The following ATP6V0D2 variants were observed in gnomAD, a reference collection of about 807,000 sequenced individuals.
ATP6V0D2 encodes V-type proton ATPase subunit d 2.
In ATP6V0D2, 40 loss-of-function variants were observed where a neutral mutation model predicts 40.0. The observed-to-expected ratio is 1.00, with a 90% CI of 0.78 to 1.30. The LOEUF (loss-of-function observed/expected upper bound fraction) is 1.30, where lower values mean the gene tolerates loss of function less well. Ranked by LOEUF, ATP6V0D2 falls within the 50% of genes most tolerant of loss-of-function variation. The pLI is 0.00. For synonymous variants in ATP6V0D2, 179 were observed against 156.3 expected, an observed-to-expected ratio of 1.15 and a Z score of -1.08; for missense variants, 470 against 423.1, an observed-to-expected ratio of 1.11 and a Z score of -0.97.
chr8:86,132,134 C>A (rs1179391569), intron 2 of ATP6V0D2, among the ~76,000 whole-genome samples: 2 of 152,142 alleles, frequency 1.3e-5, no homozygotes, highest in Non-Finnish European at 2.9e-5. Flanking sequence ...TGATGTATAG[C>A]CCTGAGGTAT....
chr8:86,115,085 A>T (rs1482051440), intron 2 of ATP6V0D2, among the ~76,000 whole-genome samples: 1 of 152,172 alleles, frequency 6.6e-6, no homozygotes, highest in East Asian at 1.9e-4. Context: ...GAATACAGGA[A>T]ACTGGGCGTT....
At chr8:86,104,295 C>A (rs1409877560) in intron 1 of ATP6V0D2, among the ~76,000 whole-genome samples, 1 of 152,130 alleles carries the variant, frequency 6.6e-6, no homozygotes, top group African/African-American at 2.4e-5. Flanking sequence ...CCACCTTGGC[C>A]TTCTAACATG....
intron 2 of ATP6V0D2, among the ~76,000 whole-genome samples, chr8:86,119,232 CTTTTT>C (rs35945978): frequency 1.6e-5 from 2 of 125,966 alleles, no homozygotes; most frequent in Non-Finnish European, 3.2e-5. Context: ...ATCATAGGAT[CTTTTT>C]TTTTTTTTTT....
rs1819177259 is a variant in ATP6V0D2 at position 86,152,914 on chromosome 8, G to A, written c.990G>A (p.Trp330Ter). ...AACAGGAAATTAGAAATATTGTGTG[G>A]ATAGCAGAATGTATTTCACAGAGGC... ...LKEQEIRNIV[W>*]IAECISQRHR... Residue 330 changes from tryptophan (W) to a stop codon, truncating the protein, a stop_gained, in exon 8 of 8, where the codon TGG becomes TGA. Coordinates refer to ENST00000285393, the MANE Select transcript of ATP6V0D2 (RefSeq NM_152565.1). LOFTEE classifies it high-confidence loss of function. 6.2e-7 allele frequency: 1 copy of A among 1,612,044 alleles called. No individual in the cohort carries two copies. Among genetic ancestry groups the A allele is most frequent in the South Asian group, 1.1e-5 (1 of 90,706 alleles).
At chr8:86,102,881 A>C (rs1818422333) in intron 1 of ATP6V0D2, among the ~76,000 whole-genome samples, 1 of 152,184 alleles carries the variant, frequency 6.6e-6, no homozygotes, top group East Asian at 1.9e-4. Context: ...GGGTCTTTAA[A>C]AGTGACTTTG....
intron 2 of ATP6V0D2, among the ~76,000 whole-genome samples, chr8:86,135,516 A>G (rs888086380): frequency 6.6e-6 from 1 of 152,238 alleles, no homozygotes; most frequent in African/African-American, 2.4e-5. Flanking sequence ...AGTACTGCTA[A>G]GCCTCAGTTT....
rs1819126261 is a variant in ATP6V0D2, at chr8:86,150,269, A to G, written c.797A>G (p.Asn266Ser). The change falls in exon 6 of 8, where the codon AAC (asparagine) becomes AGC (serine). Residue 266 changes from asparagine (N) to serine (S), a missense_variant. Physicochemically the swap from Asn to Ser is conservative, Grantham distance 46. Coordinates refer to ENST00000285393, the MANE Select transcript of ATP6V0D2 (RefSeq NM_152565.1). ...AQAEDFDQMK[N>S]VADHYGVYKP... ...GCAGAAGACTTTGACCAGATGAAGAACGTAGCGGATCATTACGGAGTATGT... is the reference window on the plus strand; with the variant it reads ...GCAGAAGACTTTGACCAGATGAAGAGCGTAGCGGATCATTACGGAGTATGT... The G allele has an allele frequency of 1.2e-6, 2 of 1,613,364 alleles. No homozygotes were observed. Among genetic ancestry groups the G allele is most frequent in the African/African-American group, 2.7e-5 (2 of 74,870 alleles).
chr8:86,110,078 T>A (rs1818512428), intron 1 of ATP6V0D2, among the ~76,000 whole-genome samples: 1 of 152,164 alleles, frequency 6.6e-6, no homozygotes, highest in African/African-American at 2.4e-5. Flanking sequence ...ATATGCAACA[T>A]GATGTTTTAT....
intron 2 of ATP6V0D2, among the ~76,000 whole-genome samples, chr8:86,131,911 G>A (rs983389896): frequency 2.6e-5 from 4 of 152,156 alleles, no homozygotes; most frequent in African/African-American, 4.8e-5. Flanking sequence ...CCTTTCCACT[G>A]TTATACATGT....
chr8:86,103,832 G>T (rs773550915), intron 1 of ATP6V0D2, among the ~76,000 whole-genome samples: 25 of 151,978 alleles, frequency 1.6e-4, no homozygotes, highest in African/African-American at 5.8e-4. Context: ...ATAGTTTTTT[G>T]TTGTTGTTTT....
chr8:86,105,775 C>T (rs369108237), intron 1 of ATP6V0D2, among the ~76,000 whole-genome samples: 3 of 151,652 alleles, frequency 2.0e-5, no homozygotes, highest in South Asian at 2.1e-4. Flanking sequence ...CCACCACGCC[C>T]GGCTAATTTT....
intron 1 of ATP6V0D2, 40 bp from the exon 2 acceptor site, chr8:86,113,668 GT>G (rs1818554428): frequency 6.5e-7 from 1 of 1,539,256 alleles, no homozygotes; most frequent in African/African-American, 1.4e-5. Flanking sequence ...ATTTGTGTAT[GT>G]TCAAAATTTA....
In ATP6V0D2 at chr8:86,153,076, A is replaced by T; in HGVS notation, c.*99A>T. On this transcript the variant is annotated 3_prime_UTR_variant, in exon 8 of 8. Transcript: ENST00000285393. ...TGTTATATTATCTAGACTACACAAAAGTAAGCCACACTATATCTTCATGAG... is the reference window on the plus strand; with the variant it reads ...TGTTATATTATCTAGACTACACAAATGTAAGCCACACTATATCTTCATGAG... 5 of 1,033,438 alleles carry T rather than the reference A, an allele frequency of 4.8e-6. No homozygotes were observed. The South Asian group carries it at 1.0e-4, about 21-fold the overall frequency. The allele number at this position is 1,033,438 out of a possible 1,614,324, so 64.0% of individuals were successfully genotyped here. A position where few individuals can be genotyped will look rare whatever the true frequency, so the allele number is the denominator to read the frequency against.
intron 6 of ATP6V0D2, among the ~76,000 whole-genome samples, chr8:86,151,017 C>T (rs916328687): frequency 9.9e-5 from 15 of 152,166 alleles, no homozygotes; most frequent in South Asian, 4.1e-4. Context: ...TATGTAATTG[C>T]GTGAGACTCT....
At chr8:86,112,913 C>T (rs1398683830) in intron 1 of ATP6V0D2, among the ~76,000 whole-genome samples, 1 of 152,092 alleles carries the variant, frequency 6.6e-6, no homozygotes, top group Non-Finnish European at 1.5e-5. Flanking sequence ...CATTTAGTCC[C>T]ACTGAACTTC....
intron 2 of ATP6V0D2, among the ~76,000 whole-genome samples, chr8:86,120,865 G>C (rs1313046043): frequency 6.6e-6 from 1 of 152,104 alleles, no homozygotes; most frequent in Non-Finnish European, 1.5e-5. Context: ...TGTCCTCCTA[G>C]TTTATAATAA....
At chr8:86,135,579 T>C (rs1032736691) in intron 2 of ATP6V0D2, among the ~76,000 whole-genome samples, 1 of 152,170 alleles carries the variant, frequency 6.6e-6, no homozygotes, top group African/African-American at 2.4e-5. Flanking sequence ...TGAGTGAGAG[T>C]GTGCATATAA....
intron 2 of ATP6V0D2, among the ~76,000 whole-genome samples, chr8:86,135,376 G>C (rs753861243): frequency 1.7e-4 from 26 of 152,184 alleles, no homozygotes; most frequent in Non-Finnish European, 3.5e-4. Context: ...ATAGCTCTAA[G>C]ATCAAATGGA....
chr8:86,113,935 C>T (rs1432265082), intron 2 of ATP6V0D2, 55 bp downstream of exon 2: 2 of 1,491,282 alleles, frequency 1.3e-6, no homozygotes, highest in East Asian at 2.3e-5. Flanking sequence ...CGGATGACCC[C>T]TAACAATTAC....
Sources: allele counts gnomAD v4.1 joint callset (sites outside exome capture counted in the v4.1 genomes callset), GRCh38; gene constraint gnomAD v4.1.1; transcripts MANE v1.5; gene names NCBI Gene and HGNC (gene_info 2026-07-23, HGNC 2026-07-21).